Variants in CELF5 observed in about 807,000 individuals in gnomAD.
CELF5 encodes CUGBP Elav-like family member 5.
Under a neutral mutation model 54.9 loss-of-function variants are expected in CELF5, and 6 were observed. The observed-to-expected ratio is 0.11, with a 90% CI of 0.06 to 0.22. The LOEUF is 0.22. CELF5 is among the 10% of genes least tolerant of loss of function. The pLI, the probability that CELF5 is intolerant of heterozygous loss-of-function variation, is 1.00. For missense variants in CELF5, 401 were observed against 678.6 expected, an observed-to-expected ratio of 0.59 and a Z score of 4.54; for synonymous variants, 271 against 290.9, an observed-to-expected ratio of 0.93 and a Z score of 0.70.
chr19:3,292,215 G>A (rs958182978), intron 11 of CELF5, among the ~76,000 whole-genome samples: 2 of 151,812 alleles, frequency 1.3e-5, no homozygotes, highest in Admixed American at 1.3e-4. Context: ...CCAAAGTGCT[G>A]GAATTACAGA....
intron 2 of CELF5, among the ~76,000 whole-genome samples, chr19:3,267,208 A>G (rs1426722701): frequency 6.7e-6 from 1 of 148,224 alleles, no homozygotes; most frequent in Non-Finnish European, 1.5e-5. Context: ...TTCCACTTCT[A>G]CCCCCTCATC....
At chr19:3,252,292 C>T (rs2079662195) in intron 2 of CELF5, among the ~76,000 whole-genome samples, 1 of 152,174 alleles carries the variant, frequency 6.6e-6, no homozygotes. Flanking sequence ...GCTTCGGCCT[C>T]CCAAAGTGCT....
intron 1 of CELF5, among the ~76,000 whole-genome samples, chr19:3,243,960 G>C (rs968102088): frequency 1.3e-5 from 2 of 152,020 alleles, no homozygotes; most frequent in African/African-American, 4.8e-5. Flanking sequence ...AATTCCATCT[G>C]CAATGACCCC....
At chr19:3,255,952 C>T (rs1199369808) in intron 2 of CELF5, among the ~76,000 whole-genome samples, 2 of 151,782 alleles carry the variant, frequency 1.3e-5, no homozygotes, top group African/African-American at 4.8e-5. Context: ...GTAATCCCAG[C>T]TACTCGGGAG....
At chr19:3,251,656 T>C (rs866221537) in intron 2 of CELF5, among the ~76,000 whole-genome samples, 1 of 128,928 alleles carries the variant, frequency 7.8e-6, no homozygotes, top group Non-Finnish European at 1.7e-5. Flanking sequence ...GGGCTTCTTT[T>C]TTTTTTTTTT....
intron 2 of CELF5, among the ~76,000 whole-genome samples, chr19:3,257,340 G>A (rs2079741930): frequency 6.6e-6 from 1 of 152,142 alleles, no homozygotes; most frequent in Admixed American, 6.5e-5. Context: ...TGGAGGAGAG[G>A]GGGAAGAGGA....
In CELF5 at chr19:3,275,760, T is replaced by C; in HGVS notation, c.395-96T>C. 7.3e-7 allele frequency: 1 copy of C among 1,371,814 alleles called. No homozygotes were observed. Among genetic ancestry groups the C allele is most frequent in the Non-Finnish European group, 9.7e-7 (1 of 1,028,384 alleles). The allele number at this position is 1,371,814 out of a possible 1,614,324, so 85.0% of individuals were successfully genotyped here. A position where few individuals can be genotyped will look rare whatever the true frequency, so the allele number is the denominator to read the frequency against. ...GCAGGGCCCGGGCGCCGCGTCTTCC[T>C]GCCCTGCCGCCTCCACTCTGCTGGA... On this transcript the variant is annotated intron_variant, in intron 3 of 12. Coordinates refer to ENST00000292672, the MANE Select transcript of CELF5 (RefSeq NM_021938.4). This position sits in a 1 kb window ranked among gnomAD's most constrained non-coding sequence, Gnocchi z 6.7.
intron 8 of CELF5, among the ~76,000 whole-genome samples, chr19:3,283,185 A>T (rs974686104): frequency 4.6e-5 from 7 of 152,170 alleles, no homozygotes; most frequent in African/African-American, 1.4e-4. Context: ...TGACCCACTG[A>T]TTTAGGCTGC....
intron 1 of CELF5, among the ~76,000 whole-genome samples, chr19:3,226,449 C>CACACACACACACAG (rs1285207176): frequency 6.9e-6 from 1 of 145,146 alleles, no homozygotes; most frequent in Non-Finnish European, 1.5e-5. Context: ...ATCACACACA[C>CACACACACACACAG]ACACACACAC....
intron 1 of CELF5, among the ~76,000 whole-genome samples, chr19:3,236,488 C>T (rs991858440): frequency 2.0e-5 from 3 of 152,080 alleles, no homozygotes; most frequent in Non-Finnish European, 4.4e-5. Flanking sequence ...GAGTTAAAGA[C>T]TAAGAACTTG....
intron 3 of CELF5, among the ~76,000 whole-genome samples, chr19:3,274,655 C>T (rs1235252557): frequency 3.3e-5 from 5 of 152,120 alleles, no homozygotes; most frequent in African/African-American, 1.2e-4. Flanking sequence ...CCATGGGACC[C>T]AAATCTAGTC....
chr19:3,236,451 T>C (rs773703822), intron 1 of CELF5, among the ~76,000 whole-genome samples: 5 of 152,056 alleles, frequency 3.3e-5, no homozygotes, highest in Admixed American at 6.6e-5. Context: ...CTTTGATCCT[T>C]ATCTCCAATC....
At chr19:3,247,952 A>T (rs2079590975) in intron 1 of CELF5, among the ~76,000 whole-genome samples, 1 of 151,770 alleles carries the variant, frequency 6.6e-6, no homozygotes, top group Non-Finnish European at 1.5e-5. Context: ...TTTAGTAAAG[A>T]TGGAGTTTCG....
rs368367834 is a variant in CELF5, at chr19:3,277,988, G to T, written c.524-43G>T. Reference sequence around the variant, plus strand: ...CTGTGGCCCCCGCTCAGCCAGTCCTGTGACCCCATCACCCTCTACCTCTTC... The same window carrying T: ...CTGTGGCCCCCGCTCAGCCAGTCCTTTGACCCCATCACCCTCTACCTCTTC... On this transcript the variant is annotated intron_variant, in intron 4 of 12. Transcript: ENST00000292672. The T allele has an allele frequency of 1.7e-5, 26 of 1,547,760 alleles. 1 individual carries two copies. The East Asian group carries it at 5.8e-4, about 35-fold the overall frequency.
intron 5 of CELF5, among the ~76,000 whole-genome samples, chr19:3,279,737 C>G (rs181996716): frequency 6.6e-6 from 1 of 152,254 alleles, no homozygotes; most frequent in East Asian, 1.9e-4. Flanking sequence ...GAGTCTCGCT[C>G]TGTCGCCCAG....
intron 1 of CELF5, among the ~76,000 whole-genome samples, chr19:3,230,543 T>C (rs910315263): frequency 8.5e-5 from 13 of 152,162 alleles, no homozygotes; most frequent in African/African-American, 3.1e-4. Flanking sequence ...GAGATGAGGC[T>C]GGAGAGTCAG....
intron 5 of CELF5, among the ~76,000 whole-genome samples, chr19:3,280,571 G>A (rs894499860): frequency 2.6e-5 from 4 of 152,026 alleles, no homozygotes; most frequent in East Asian, 1.9e-4. Context: ...GCGAAACTCC[G>A]TCTCAAAACA....
intron 4 of CELF5, among the ~76,000 whole-genome samples, chr19:3,277,052 T>C (rs1274279685): frequency 6.6e-6 from 1 of 152,098 alleles, no homozygotes; most frequent in Admixed American, 6.5e-5. Context: ...TGCCTGAGAG[T>C]CCAAATGACG....
chr19:3,240,754 C>G (rs1419086901), intron 1 of CELF5, among the ~76,000 whole-genome samples: 1 of 151,984 alleles, frequency 6.6e-6, no homozygotes, highest in Non-Finnish European at 1.5e-5. Flanking sequence ...CAGAGCGTCC[C>G]CAGCCCTGCC....
Sources: gnomAD v4.1 joint callset for allele counts (sites outside exome capture counted in the v4.1 genomes callset) on GRCh38, gnomAD v4.1.1 for gene constraint, Gnocchi (gnomAD v3.1) non-coding constraint, MANE v1.5 for transcripts, NCBI Gene and HGNC (gene_info 2026-07-23, HGNC 2026-07-21) for gene names.